Variants in CTNND2 observed in about 807,000 individuals in gnomAD.
The protein encoded by CTNND2 is catenin delta 2.
In CTNND2, 22 loss-of-function variants were observed where a neutral mutation model predicts 144.4. That is an observed-to-expected ratio of 0.15 (90% confidence interval 0.11 to 0.22). CTNND2 has a LOEUF of 0.22. Among genes scored for constraint, CTNND2 ranks in the 10% least tolerant of loss-of-function variants. The pLI, the probability that CTNND2 is intolerant of heterozygous loss-of-function variation, is 1.00. For synonymous variants in CTNND2, 751 were observed against 695.6 expected (o/e 1.08, Z -1.25); for missense variants, 1,353 against 1,618.8 (o/e 0.84, Z 2.82).
At chr5:11,830,903 CA>C (rs1377562519) in intron 1 of CTNND2, among the ~76,000 whole-genome samples, 8 of 152,248 alleles carry the variant, frequency 5.3e-5, no homozygotes, top group African/African-American at 1.9e-4. Flanking sequence ...TATATACTTG[CA>C]AATGACAATT....
intron 3 of CTNND2, among the ~76,000 whole-genome samples, chr5:11,432,646 G>T (rs561937224): frequency 6.6e-6 from 1 of 152,206 alleles, no homozygotes; most frequent in African/African-American, 2.4e-5. Flanking sequence ...GAATCTTTCA[G>T]AAAGACAGAG....
At chr5:11,242,671 G>A (rs774208712) in intron 9 of CTNND2, among the ~76,000 whole-genome samples, 3 of 152,096 alleles carry the variant, frequency 2.0e-5, no homozygotes, top group Non-Finnish European at 4.4e-5. Flanking sequence ...GAGAAGCTCT[G>A]GTCTCAACAT....
chr5:11,414,026 T>C (rs903630851), intron 3 of CTNND2, among the ~76,000 whole-genome samples: 2 of 152,144 alleles, frequency 1.3e-5, no homozygotes, highest in Non-Finnish European at 2.9e-5. Flanking sequence ...GATGAGGTCA[T>C]CCTGGATCAT....
chr5:11,056,535 C>G (rs1410092095), intron 16 of CTNND2, among the ~76,000 whole-genome samples: 2 of 152,162 alleles, frequency 1.3e-5, no homozygotes, highest in Non-Finnish European at 2.9e-5. Context: ...CCAGGCTGGT[C>G]TCCAACTCTT....
At chr5:11,007,448 C>T (rs1341956555) in intron 18 of CTNND2, among the ~76,000 whole-genome samples, 1 of 152,250 alleles carries the variant, frequency 6.6e-6, no homozygotes, top group Non-Finnish European at 1.5e-5. Flanking sequence ...ACCTCGGGAA[C>T]TGCTGGCAGC....
intron 1 of CTNND2, among the ~76,000 whole-genome samples, chr5:11,758,284 T>A (rs919695566): frequency 6.6e-6 from 1 of 151,990 alleles, no homozygotes; most frequent in Non-Finnish European, 1.5e-5. Context: ...TTTTGATATA[T>A]ATTTATGGTG....
rs182646353 is a variant in CTNND2 at position 11,528,019 on chromosome 5, T to A, written c.287+36925A>T. On this transcript the variant is annotated intron_variant, in intron 3 of 21. Transcript: ENST00000304623. ...TAATAACATAACAATATTAATAGAG[T>A]CAATTTAAAAAACCCATGCAGTATG... Among the ~76,000 whole-genome samples the A allele has an allele frequency of 2.4e-3, 367 of 151,868 alleles. 1 individual carries two copies. The highest frequency in any genetic ancestry group is 4.4e-3 in the Non-Finnish European group (297 of 67,920).
chr5:11,825,210 G>C (rs1013032420), intron 1 of CTNND2, among the ~76,000 whole-genome samples: 1 of 152,098 alleles, frequency 6.6e-6, no homozygotes, highest in Non-Finnish European at 1.5e-5. Context: ...AGTTAATATA[G>C]AAGAGGTGGG....
chr5:11,856,658 A>G (rs1795265396), intron 1 of CTNND2, among the ~76,000 whole-genome samples: 1 of 152,242 alleles, frequency 6.6e-6, no homozygotes, highest in Non-Finnish European at 1.5e-5. Context: ...AGATAAGTCA[A>G]ATAGCACCCC....
intron 12 of CTNND2, among the ~76,000 whole-genome samples, chr5:11,133,353 T>C (rs1374468029): frequency 6.6e-6 from 1 of 152,208 alleles, no homozygotes; most frequent in Non-Finnish European, 1.5e-5. Flanking sequence ...AATTTCTTTT[T>C]TCTTTTTCTT....
intron 1 of CTNND2, among the ~76,000 whole-genome samples, chr5:11,887,265 G>T (rs774056727): frequency 6.6e-6 from 1 of 152,138 alleles, no homozygotes; most frequent in East Asian, 1.9e-4. Flanking sequence ...TTACAGGCAG[G>T]AGCCACCACA....
chr5:11,531,463 T>C (rs958683023), intron 3 of CTNND2, among the ~76,000 whole-genome samples: 5 of 152,012 alleles, frequency 3.3e-5, no homozygotes, highest in South Asian at 4.2e-4. Context: ...CCATCTCTAC[T>C]AAAAATACAA....
chr5:11,169,513 T>C (rs1245531119), intron 11 of CTNND2, among the ~76,000 whole-genome samples: 2 of 152,204 alleles, frequency 1.3e-5, no homozygotes, highest in Non-Finnish European at 2.9e-5. Context: ...ACAAAGGGTA[T>C]TGAGCTGTTT....
At chr5:11,710,895 A>G (rs1449374136) in intron 2 of CTNND2, among the ~76,000 whole-genome samples, 1 of 152,164 alleles carries the variant, frequency 6.6e-6, no homozygotes, top group Non-Finnish European at 1.5e-5. Context: ...ATGCAATCTG[A>G]TCCTTTGCCT....
At chr5:11,636,031 C>T (rs969925945) in intron 2 of CTNND2, among the ~76,000 whole-genome samples, 1 of 143,960 alleles carries the variant, frequency 6.9e-6, no homozygotes, top group African/African-American at 2.6e-5. Flanking sequence ...TTAATCCCCC[C>T]CCACCCCCGC....
intron 2 of CTNND2, among the ~76,000 whole-genome samples, chr5:11,716,614 C>T (rs1231850661): frequency 6.6e-6 from 1 of 152,050 alleles, no homozygotes; most frequent in African/African-American, 2.4e-5. Flanking sequence ...TTCATTTAAC[C>T]TAAAATTGAA....
chr5:11,531,757 C>T (rs550506451), intron 3 of CTNND2, among the ~76,000 whole-genome samples: 1 of 152,278 alleles, frequency 6.6e-6, no homozygotes, highest in East Asian at 1.9e-4. Context: ...ACTCAAAGAG[C>T]ATTTTGATAT....
At chr5:11,877,702 G>T (rs76137916) in intron 1 of CTNND2, among the ~76,000 whole-genome samples, 3,840 of 113,004 alleles carry the variant, frequency 0.034, 81 homozygotes, top group African/African-American at 0.071. Context: ...AATAATGATA[G>T]TTGTCGACAG....
At chr5:11,088,942 G>T (rs1325375246) in intron 15 of CTNND2, among the ~76,000 whole-genome samples, 1 of 152,168 alleles carries the variant, frequency 6.6e-6, no homozygotes, top group African/African-American at 2.4e-5. Context: ...TGTACTAGAG[G>T]CTAGGAGCTG....
Sources: allele counts gnomAD v4.1 joint callset (sites outside exome capture counted in the v4.1 genomes callset), GRCh38; gene constraint gnomAD v4.1.1; transcripts MANE v1.5; gene names NCBI Gene and HGNC (gene_info 2026-07-23, HGNC 2026-07-21).